Variants in SPATA7 observed in about 807,000 individuals in gnomAD.
SPATA7 encodes the protein spermatogenesis-associated protein 7.
A neutral mutation model predicts 51.8 loss-of-function variants in SPATA7; 43 were observed. That is an observed-to-expected ratio of 0.83 (90% confidence interval 0.65 to 1.07). SPATA7 has a LOEUF of 1.07. Ranked by LOEUF, SPATA7 falls within the 50% of genes least tolerant of loss-of-function variation. The pLI, the probability that SPATA7 is intolerant of heterozygous loss-of-function variation, is 0.00. For missense variants in SPATA7, 683 were observed against 701.3 expected, an observed-to-expected ratio of 0.97 and a Z score of 0.30; for synonymous variants, 230 against 252.8, an observed-to-expected ratio of 0.91 and a Z score of 0.86.
chr14:88,443,403 T>A (rs1017809601), downstream of SPATA7, among the ~76,000 whole-genome samples: 1 of 152,196 alleles, frequency 6.6e-6, no homozygotes, highest in Non-Finnish European at 1.5e-5. Flanking sequence ...GTAAAGCTGT[T>A]CATAGTAGCC....
chr14:88,455,169 C>T, exon 4 of SPATA7: 1 of 441,506 alleles, frequency 2.3e-6, no homozygotes, highest in Non-Finnish European at 4.5e-6. Context: ...ATGAAGAGCT[C>T]TGCAAGCCCA....
Position 88,385,929 on chromosome 14 carries a change from G to C in SPATA7, c.19+92G>C, listed in dbSNP as rs775475000. 1.8e-5 allele frequency: 25 copies of C among 1,395,762 alleles called. No individual in the cohort carries two copies. The East Asian group carries it at 6.9e-4, about 38-fold the overall frequency. 86.5% of individuals were successfully genotyped at this position (1,395,762 alleles called of 1,614,324 possible). A position where few individuals can be genotyped will look rare whatever the true frequency, so the allele number is the denominator to read the frequency against. ...GGTCCGGGCAGCTGAGTGCAAGGCC[G>C]CCCCTTGGGGCGCTTCCTACCCCTG... On this transcript the variant is annotated intron_variant, in intron 1 of 11. Coordinates refer to ENST00000393545, the MANE Select transcript of SPATA7 (RefSeq NM_018418.5).
intron 5 of SPATA7, among the ~76,000 whole-genome samples, chr14:88,419,945 G>A (rs1346607372): frequency 6.6e-6 from 1 of 152,144 alleles, no homozygotes; most frequent in East Asian, 1.9e-4. Context: ...CTCCTCTTCA[G>A]TGCAGGTAGG....
intron 4 of SPATA7, among the ~76,000 whole-genome samples, chr14:88,405,468 G>A (rs1266579767): frequency 6.6e-6 from 1 of 152,190 alleles, no homozygotes; most frequent in Non-Finnish European, 1.5e-5. Flanking sequence ...AGAAATAATG[G>A]TGACTGGGAC....
At position 88,469,551 on chromosome 14, in the gene SPATA7, T is replaced by C. The variant is rs143037645; in HGVS notation, c.255-296T>C. 3.1e-5 allele frequency: 50 copies of C among 1,614,198 alleles called. No homozygotes were observed. Among genetic ancestry groups the C allele is most frequent in the African/African-American group, 8.0e-5 (6 of 75,046 alleles). On this transcript the variant is annotated intron_variant, in intron 4 of 4. Coordinates refer to the SPATA7 transcript ENST00000556406. This position sits in a 1 kb window ranked among gnomAD's most constrained non-coding sequence, Gnocchi z 4.3. Reference sequence around the variant, plus strand: ...AGCCATGTTCAGGCCAGTCTGTGTATTGGAGGTGCCAGACGGTCCTCTCTT... The same window carrying C: ...AGCCATGTTCAGGCCAGTCTGTGTACTGGAGGTGCCAGACGGTCCTCTCTT...
chr14:88,407,957 A>AT (rs2076241825), intron 4 of SPATA7, among the ~76,000 whole-genome samples: 2 of 152,008 alleles, frequency 1.3e-5, no homozygotes, highest in South Asian at 4.2e-4. Context: ...GTTCTATTCC[A>AT]TTGGTCTATA....
exon 4 of SPATA7, chr14:88,455,243 T>C: frequency 2.8e-6 from 1 of 363,014 alleles, no homozygotes; most frequent in South Asian, 2.2e-5. Flanking sequence ...TCCTGATTAA[T>C]GAAGCTGGCT....
At chr14:88,386,201 G>A (rs1320565378) in intron 1 of SPATA7, among the ~76,000 whole-genome samples, 1 of 152,148 alleles carries the variant, frequency 6.6e-6, no homozygotes, top group Non-Finnish European at 1.5e-5. Flanking sequence ...GCTCTCCATG[G>A]AGACGACCCT....
At chr14:88,464,003 GC>G (rs1566799438) in intron 4 of SPATA7, among the ~76,000 whole-genome samples, 1 of 151,858 alleles carries the variant, frequency 6.6e-6, no homozygotes, top group Non-Finnish European at 1.5e-5. Context: ...ACCATGCCCA[GC>G]TAAGTTTTGT....
At chr14:88,399,132 T>C (rs765290445) in intron 4 of SPATA7, among the ~76,000 whole-genome samples, 10 of 151,516 alleles carry the variant, frequency 6.6e-5, no homozygotes, top group Non-Finnish European at 1.5e-4. Flanking sequence ...AAAGCATACA[T>C]AGGGAAATGC....
chr14:88,424,839 G>A (rs1442622918), intron 5 of SPATA7, among the ~76,000 whole-genome samples: 1 of 152,042 alleles, frequency 6.6e-6, no homozygotes, highest in East Asian at 1.9e-4. Context: ...TAAAACAGTT[G>A]GAAAGGAAAG....
intron 3 of SPATA7, among the ~76,000 whole-genome samples, chr14:88,454,680 C>T (rs746378807): frequency 6.6e-5 from 10 of 152,000 alleles, no homozygotes; most frequent in Non-Finnish European, 1.0e-4. Context: ...TGGTGGCCCA[C>T]AGCTGTAGTC....
At chr14:88,416,249 CTT>C (rs1368080456) in intron 4 of SPATA7, 3 of 157,960 alleles carry the variant, frequency 1.9e-5, no homozygotes, top group Middle Eastern at 3.0e-3. Flanking sequence ...TCAGGAAAGA[CTT>C]TATTTCTTCT....
Position 88,385,741 on chromosome 14 carries a change from T to G in SPATA7, c.-78T>G. ...CGGCTCCTCTTTTCCAGTCCTCCAC[T>G]GCCGGGGCTGGGCCCGGCCGCGGGA... On this transcript the variant is annotated 5_prime_UTR_variant, in exon 1 of 12. Coordinates refer to ENST00000393545, the MANE Select transcript of SPATA7 (RefSeq NM_018418.5). The G allele has an allele frequency of 7.0e-7, 1 of 1,424,008 alleles. No individual in the cohort carries two copies. The highest frequency in any genetic ancestry group is 9.8e-7 in the Non-Finnish European group (1 of 1,024,646). 88.2% of individuals were successfully genotyped at this position (1,424,008 alleles called of 1,614,324 possible).
rs770831381 is a variant in SPATA7 at position 88,433,193 on chromosome 14, C to T, written c.1141C>T (p.Leu381Phe). 5 of 1,609,722 alleles carry T rather than the reference C, an allele frequency of 3.1e-6. No individual in the cohort carries two copies. Among genetic ancestry groups the T allele is most frequent in the Non-Finnish European group, 4.2e-6 (5 of 1,178,262 alleles). ...AGATGTAACAGATGAAATTTTGAAA[C>T]TTGGTTTATTTTCAAACAGGTTAGT... The part of the protein sequence containing the change: ...IEDVTDEILK[L>F]GLFSNRFLER... Residue 381 changes from leucine to phenylalanine, a missense_variant, in exon 10 of 12, where the codon CTT becomes TTT. Transcript: ENST00000393545.
At chr14:88,446,753 T>C (rs2077216130) in intron 3 of SPATA7, among the ~76,000 whole-genome samples, 1 of 152,208 alleles carries the variant, frequency 6.6e-6, no homozygotes, top group Non-Finnish European at 1.5e-5. Context: ...CCAGTAGTCA[T>C]TCAGGAGCAG....
At chr14:88,424,289 T>C (rs2076730300) in intron 5 of SPATA7, among the ~76,000 whole-genome samples, 1 of 152,214 alleles carries the variant, frequency 6.6e-6, no homozygotes, top group African/African-American at 2.4e-5. Context: ...TACAGTGGAT[T>C]TTATACTGTA....
chr14:88,470,012 T>C, exon 5 of SPATA7: 1 of 1,613,596 alleles, frequency 6.2e-7, no homozygotes, highest in Non-Finnish European at 8.5e-7. Flanking sequence ...ATGGTCCCTG[T>C]GTGGCAATAT....
downstream of SPATA7, among the ~76,000 whole-genome samples, chr14:88,441,354 G>A (rs552487376): frequency 2.0e-5 from 3 of 152,094 alleles, no homozygotes; most frequent in Non-Finnish European, 4.4e-5. Context: ...TTTCCTCTGG[G>A]TAGATACCCA....
Sources: allele counts gnomAD v4.1 joint callset (sites outside exome capture counted in the v4.1 genomes callset), GRCh38; gene constraint gnomAD v4.1.1; non-coding constraint Gnocchi (gnomAD v3.1); transcripts MANE v1.5; gene names NCBI Gene and HGNC (gene_info 2026-07-23, HGNC 2026-07-21).